SEMA3E: variants seen among roughly 807,000 people sequenced by gnomAD.
SEMA3E encodes the protein semaphorin-3E.
SEMA3E carries 49 observed loss-of-function variants against 93.6 expected under a neutral mutation model. That is an observed-to-expected ratio of 0.52 (90% CI 0.42 to 0.66). SEMA3E has a LOEUF of 0.66. Among genes scored for constraint, SEMA3E ranks in the 30% least tolerant of loss-of-function variants. The pLI, the probability that SEMA3E is intolerant of heterozygous loss-of-function variation, is 0.00. For missense variants in SEMA3E, 906 were observed against 964.8 expected (o/e 0.94, Z 0.81); for synonymous variants, 363 against 330.7 (o/e 1.10, Z -1.06).
intron 1 of SEMA3E, among the ~76,000 whole-genome samples, chr7:83,550,748 A>G (rs1791748539): frequency 6.6e-6 from 1 of 152,122 alleles, no homozygotes; most frequent in Non-Finnish European, 1.5e-5. Flanking sequence ...AAGATGACCA[A>G]GAGAAACTCC....
intron 16 of SEMA3E, among the ~76,000 whole-genome samples, chr7:83,375,389 A>G (rs1040125758): frequency 2.6e-5 from 4 of 152,134 alleles, no homozygotes; most frequent in African/African-American, 9.7e-5. Context: ...CAACAGCACC[A>G]TAATAAATAC....
intron 1 of SEMA3E, among the ~76,000 whole-genome samples, chr7:83,636,575 A>G (rs2115692025): frequency 6.6e-6 from 1 of 152,292 alleles, no homozygotes; most frequent in East Asian, 1.9e-4. Flanking sequence ...CAGTATTTTC[A>G]GACTCTAATT....
chr7:83,375,336 A>T (rs1794805593), intron 16 of SEMA3E, among the ~76,000 whole-genome samples: 1 of 152,126 alleles, frequency 6.6e-6, no homozygotes, highest in South Asian at 2.1e-4. Flanking sequence ...ACTTGAGAAA[A>T]ATCTCTCTGC....
intron 1 of SEMA3E, among the ~76,000 whole-genome samples, chr7:83,609,888 A>G (rs1793211438): frequency 1.3e-5 from 2 of 151,994 alleles, no homozygotes; most frequent in African/African-American, 4.8e-5. Flanking sequence ...CATTTATAAA[A>G]TTAAATATTG....
chr7:83,510,076 G>A (rs938662261), intron 1 of SEMA3E, among the ~76,000 whole-genome samples: 2 of 151,806 alleles, frequency 1.3e-5, no homozygotes, highest in Admixed American at 1.3e-4. Flanking sequence ...TATTAATAAT[G>A]GATGTAAAAA....
At chr7:83,494,527 G>GTTATTTGGAATATTAATGACTGCAATGAA (rs1490088471) in intron 1 of SEMA3E, among the ~76,000 whole-genome samples, 64 of 151,970 alleles carry the variant, frequency 4.2e-4, no homozygotes, top group African/African-American at 1.5e-3. Flanking sequence ...AGGTAGCCAT[G>GTTATTTGGAATATTAATGACTGCAATGAA]TTATTTGGAA....
chr7:83,602,379 C>A (rs1793014058), intron 1 of SEMA3E, among the ~76,000 whole-genome samples: 4 of 152,136 alleles, frequency 2.6e-5, no homozygotes, highest in East Asian at 1.9e-4. Flanking sequence ...GATACTCTAC[C>A]TGAAATTTTC....
chr7:83,428,564 A>C (rs147394622), intron 4 of SEMA3E, among the ~76,000 whole-genome samples: 1 of 152,266 alleles, frequency 6.6e-6, no homozygotes, highest in East Asian at 1.9e-4. Context: ...TCTGAATGTG[A>C]TTCACTCTAC....
intron 16 of SEMA3E, among the ~76,000 whole-genome samples, chr7:83,371,064 CT>C (rs1327177788): frequency 2.6e-5 from 4 of 152,156 alleles, no homozygotes; most frequent in Non-Finnish European, 4.4e-5. Flanking sequence ...GAGATCAGCT[CT>C]TTTTTCTATA....
chr7:83,513,770 T>C (rs78703322), intron 1 of SEMA3E, among the ~76,000 whole-genome samples: 3,330 of 152,282 alleles, frequency 0.022, 59 homozygotes, highest in South Asian at 0.085. Context: ...CAAATATTAA[T>C]AAATTATATA....
At chr7:83,457,856 T>G (rs989219428) in intron 4 of SEMA3E, among the ~76,000 whole-genome samples, 5 of 152,150 alleles carry the variant, frequency 3.3e-5, no homozygotes, top group Admixed American at 6.5e-5. Context: ...CCAACATAAA[T>G]TTCTGCAAAC....
intron 1 of SEMA3E, among the ~76,000 whole-genome samples, chr7:83,512,602 T>C (rs1790847390): frequency 6.6e-6 from 1 of 152,188 alleles, no homozygotes; most frequent in Admixed American, 6.5e-5. Flanking sequence ...GATAGTTGTG[T>C]TTAACATTAA....
rs189060785 is a variant in SEMA3E, at chr7:83,470,840, A to G, written c.277-1538T>C. Among the ~76,000 whole-genome samples, 23 of 145,972 alleles carry G rather than the reference A, an allele frequency of 1.6e-4. 1 individual carries two copies. The South Asian group carries it at 5.0e-3, about 32-fold the overall frequency. ...TGTTTCTGAGTGTTTTGTAATGTTA[A>G]GGTGTGGTTCCCCCACATTTTCTTT... On this transcript the variant is annotated intron_variant, in intron 2 of 16. Coordinates refer to ENST00000643230, the MANE Select transcript of SEMA3E (RefSeq NM_012431.3).
chr7:83,589,638 A>G (rs1034473992), intron 1 of SEMA3E, among the ~76,000 whole-genome samples: 1 of 152,188 alleles, frequency 6.6e-6, no homozygotes. Context: ...TATTTTAAAT[A>G]TATTTTAACC....
intron 1 of SEMA3E, among the ~76,000 whole-genome samples, chr7:83,501,658 G>T (rs1456291419): frequency 1.3e-5 from 2 of 152,100 alleles, no homozygotes; most frequent in African/African-American, 4.8e-5. Flanking sequence ...TTATTGCCAG[G>T]CTGGTCTATT....
chr7:83,578,995 A>G (rs1300847966), intron 1 of SEMA3E, among the ~76,000 whole-genome samples: 3 of 152,060 alleles, frequency 2.0e-5, no homozygotes, highest in African/African-American at 7.2e-5. Flanking sequence ...TAAATTAATA[A>G]CTATCGATAT....
chr7:83,380,976 T>C (rs1163745736), intron 16 of SEMA3E, among the ~76,000 whole-genome samples: 1 of 151,948 alleles, frequency 6.6e-6, no homozygotes, highest in African/African-American at 2.4e-5. Context: ...TCATCTGGTC[T>C]TGAAGGCATG....
At position 83,418,396 on chromosome 7, in the gene SEMA3E, A is replaced by C; in HGVS notation, c.544T>G (p.Leu182Val). 1 of 1,607,634 alleles carries C rather than the reference A, an allele frequency of 6.2e-7. No homozygotes were observed. The highest frequency in any genetic ancestry group is 1.3e-5 in the African/African-American group (1 of 74,914). The stretch of plus-strand genomic sequence containing the variant: ...CTGTGGCAATGACAATTACCAATTA[A>C]AGTGGAGATGAAGGAGGAGCTGGGG... ...FDPSSSFISTLIGSELFAGLY... is the reference protein window; with the variant it reads ...FDPSSSFISTVIGSELFAGLY... Residue 182 changes from leucine to valine, a missense_variant, in exon 5 of 17, where the codon TTA becomes GTA. By Grantham distance (32) the Leu-to-Val change is conservative. Coordinates refer to ENST00000643230, the MANE Select transcript of SEMA3E (RefSeq NM_012431.3).
intron 3 of SEMA3E, among the ~76,000 whole-genome samples, chr7:83,468,551 G>GTT (rs757501000): frequency 0.02 from 2,991 of 146,618 alleles, 68 homozygotes; most frequent in African/African-American, 0.051. Flanking sequence ...CATTTATATA[G>GTT]TTTTTTTTTT....
Sources: allele counts gnomAD v4.1 joint callset (sites outside exome capture counted in the v4.1 genomes callset), GRCh38; gene constraint gnomAD v4.1.1; transcripts MANE v1.5; gene names NCBI Gene and HGNC (gene_info 2026-07-23, HGNC 2026-07-21).